The following AKR1C3 variants were observed in gnomAD, a reference collection of about 807,000 sequenced individuals.
AKR1C3 encodes 3-alpha hydroxysteroid dehydrogenase, type II.
Under a neutral mutation model 43.6 loss-of-function variants are expected in AKR1C3, and 48 were observed. That is an observed-to-expected ratio of 1.10 (90% CI 0.87 to 1.40). The LOEUF (loss-of-function observed/expected upper bound fraction) is 1.40. AKR1C3 is among the 40% of genes most tolerant of loss of function. The probability of loss-of-function intolerance (pLI) is 0.00; values close to 1 mark genes in which losing one functional copy is unlikely to be tolerated. For missense variants in AKR1C3, 482 were observed against 391.2 expected, an observed-to-expected ratio of 1.23 and a Z score of -1.96; for synonymous variants, 162 against 139.6, an observed-to-expected ratio of 1.16 and a Z score of -1.13.
At chr10:5,052,810 C>T (rs1838179251) in intron 1 of AKR1C3, among the ~76,000 whole-genome samples, 1 of 152,006 alleles carries the variant, frequency 6.6e-6, no homozygotes, top group South Asian at 2.1e-4. Flanking sequence ...TCGATTGGTG[C>T]ATTCACAAAC....
chr10:5,099,613 C>G, intron 5 of AKR1C3, 164 bp downstream of exon 5: 1 of 1,296,080 alleles, frequency 7.7e-7, no homozygotes. Flanking sequence ...TGTTTGTACC[C>G]TGCTTGGAAA....
intron 1 of AKR1C3, among the ~76,000 whole-genome samples, chr10:5,049,588 A>T (rs972169080): frequency 3.9e-5 from 6 of 152,246 alleles, no homozygotes; most frequent in Non-Finnish European, 7.3e-5. Flanking sequence ...CACAAATGTG[A>T]GCAAAATGGA....
At chr10:5,059,308 G>A (rs536159607) in intron 1 of AKR1C3, among the ~76,000 whole-genome samples, 1 of 152,296 alleles carries the variant, frequency 6.6e-6, no homozygotes, top group African/African-American at 2.4e-5. Context: ...ACTAACCTTG[G>A]AGAAGAGAGT....
chr10:5,083,438 TG>T (rs1838881620), intron 1 of AKR1C3, among the ~76,000 whole-genome samples: 2 of 152,226 alleles, frequency 1.3e-5, no homozygotes, highest in Non-Finnish European at 2.9e-5. Flanking sequence ...TAGTATTCCA[TG>T]GTGTATAGGT....
At chr10:5,073,831 C>T (rs1838658273) in intron 1 of AKR1C3, among the ~76,000 whole-genome samples, 1 of 152,040 alleles carries the variant, frequency 6.6e-6, no homozygotes, top group South Asian at 2.1e-4. Flanking sequence ...TTGTAAATCC[C>T]CACTTGTCTT....
At chr10:5,049,161 C>T (rs556364913) in intron 1 of AKR1C3, among the ~76,000 whole-genome samples, 1 of 152,112 alleles carries the variant, frequency 6.6e-6, no homozygotes, top group South Asian at 2.1e-4. Context: ...TGTCAGAATC[C>T]ATGAAACTCA....
At chr10:5,089,069 G>A (rs548160163) in intron 1 of AKR1C3, among the ~76,000 whole-genome samples, 1 of 152,064 alleles carries the variant, frequency 6.6e-6, no homozygotes, top group African/African-American at 2.4e-5. Flanking sequence ...CTAAAAATAG[G>A]CCCCCAATAT....
intron 1 of AKR1C3, among the ~76,000 whole-genome samples, chr10:5,059,453 C>T (rs146120644): frequency 0.015 from 2,211 of 152,250 alleles, 52 homozygotes; most frequent in African/African-American, 0.05. Flanking sequence ...ACCAACTTGT[C>T]ATCAGGAACC....
intron 1 of AKR1C3, among the ~76,000 whole-genome samples, chr10:5,088,935 CATA>C (rs1381872441): frequency 4.0e-5 from 6 of 151,844 alleles, no homozygotes; most frequent in Non-Finnish European, 8.8e-5. Context: ...ATGATGGTAT[CATA>C]ATATTTTTAT....
chr10:5,093,117 C>T (rs1371514036), upstream of AKR1C3, among the ~76,000 whole-genome samples: 4 of 152,012 alleles, frequency 2.6e-5, no homozygotes, highest in African/African-American at 9.7e-5. Flanking sequence ...AAAATTCACA[C>T]CCCAGCTTCC....
intron 1 of AKR1C3, among the ~76,000 whole-genome samples, chr10:5,058,463 C>A (rs1011089107): frequency 1.2e-4 from 19 of 152,126 alleles, no homozygotes; most frequent in African/African-American, 4.1e-4. Flanking sequence ...CAAATTGGTC[C>A]CAATGGCTTA....
intron 1 of AKR1C3, among the ~76,000 whole-genome samples, chr10:5,053,774 C>A (rs782697492): frequency 6.6e-6 from 1 of 152,238 alleles, no homozygotes; most frequent in Non-Finnish European, 1.5e-5. Flanking sequence ...GTTGTAGTGT[C>A]CTCCAGAGGG....
At chr10:5,071,148 G>T (rs1284646726) in intron 1 of AKR1C3, among the ~76,000 whole-genome samples, 4 of 152,302 alleles carry the variant, frequency 2.6e-5, no homozygotes, top group Middle Eastern at 3.4e-3. Context: ...CAAAATAACT[G>T]TAACTGGCTG....
upstream of AKR1C3, among the ~76,000 whole-genome samples, chr10:5,090,629 A>C (rs1253291158): frequency 6.6e-5 from 10 of 152,134 alleles, no homozygotes; most frequent in African/African-American, 2.4e-4. Context: ...TCCACCTTTC[A>C]GCACTTCTGT....
At chr10:5,081,077 G>C (rs10795243) in intron 1 of AKR1C3, among the ~76,000 whole-genome samples, 33,987 of 151,920 alleles carry the variant, frequency 0.22, 4,497 homozygotes, top group East Asian at 0.59. Context: ...CCTTAAAGTG[G>C]GTATTTACAC....
chr10:5,050,742 T>A (rs1451040237), intron 1 of AKR1C3, among the ~76,000 whole-genome samples: 2 of 152,256 alleles, frequency 1.3e-5, no homozygotes, highest in Admixed American at 1.3e-4. Context: ...TTATTTTTTG[T>A]GCTATTTCTA....
At chr10:5,096,943 A>G (rs1422156794) in intron 2 of AKR1C3, among the ~76,000 whole-genome samples, 4 of 152,186 alleles carry the variant, frequency 2.6e-5, no homozygotes, top group Non-Finnish European at 5.9e-5. Context: ...TCAGTGAGAT[A>G]GAAAGCAATA....
intron 4 of AKR1C3, 49 bp downstream of exon 4, chr10:5,098,928 A>ATCCTTC (rs1839281347): frequency 1.4e-6 from 2 of 1,476,692 alleles, no homozygotes; most frequent in Admixed American, 3.9e-5. Flanking sequence ...AAAAGAGAAA[A>ATCCTTC]TCTGTTTCCC....
At chr10:5,097,365 G>C (rs1427482468) in intron 2 of AKR1C3, 69 bp from the exon 3 acceptor site, 3 of 1,561,442 alleles carry the variant, frequency 1.9e-6, no homozygotes, top group African/African-American at 1.4e-5. Context: ...CTAAATACTA[G>C]ATGGCACAAA....
Sources: allele counts gnomAD v4.1 joint callset (sites outside exome capture counted in the v4.1 genomes callset), GRCh38; gene constraint gnomAD v4.1.1; transcripts MANE v1.5; gene names NCBI Gene and HGNC (gene_info 2026-07-23, HGNC 2026-07-21).